Variants in CRPPA observed in about 807,000 individuals in gnomAD.
The protein encoded by CRPPA is CDP-L-ribitol pyrophosphorylase A.
In CRPPA, 43 loss-of-function variants were observed where a neutral mutation model predicts 52.0. That is an observed-to-expected ratio of 0.83 (90% CI 0.65 to 1.07). The LOEUF is 1.07. CRPPA is among the 50% of genes least tolerant of loss of function. CRPPA has a pLI of 0.00. For missense variants in CRPPA, 629 were observed against 551.7 expected, an observed-to-expected ratio of 1.14 and a Z score of -1.40; for synonymous variants, 250 against 203.5, an observed-to-expected ratio of 1.23 and a Z score of -1.94.
At chr7:16,355,078 AGTATCAAAAT>A (rs946632949) in intron 3 of CRPPA, among the ~76,000 whole-genome samples, 15 of 152,214 alleles carry the variant, frequency 9.9e-5, no homozygotes, top group African/African-American at 3.6e-4. Flanking sequence ...TTTATAAGCA[AGTATCAAAAT>A]GTATCAAAAT....
Position 16,365,968 on chromosome 7 carries a change from A to G in CRPPA, c.684+10124T>C, listed in dbSNP as rs537214891. ...ATATTGAAATGTTAGTAAGTGCTTT[A>G]CTCCACTTAGACTGCTAAAACAAAA... On this transcript the variant is annotated intron_variant, in intron 3 of 9. Transcript: ENST00000407010. 3.9e-5 allele frequency among the ~76,000 whole-genome samples: 6 copies of G among 152,302 alleles called. No homozygotes were observed. In the South Asian group the frequency reaches 1.2e-3, roughly 32 times the overall value.
At chr7:16,198,431 C>G (rs1015134740) in intron 9 of CRPPA, among the ~76,000 whole-genome samples, 4 of 106,114 alleles carry the variant, frequency 3.8e-5, no homozygotes, top group African/African-American at 1.6e-4. Context: ...CCTTTGTTCA[C>G]GTGTTTGTCT....
At chr7:16,397,714 G>C (rs1054013985) in intron 2 of CRPPA, among the ~76,000 whole-genome samples, 1 of 152,138 alleles carries the variant, frequency 6.6e-6, no homozygotes, top group Non-Finnish European at 1.5e-5. Context: ...ATTGACATGC[G>C]ACCAACGTTT....
At chr7:16,320,097 C>T (rs1452219290) in intron 3 of CRPPA, among the ~76,000 whole-genome samples, 1 of 152,080 alleles carries the variant, frequency 6.6e-6, no homozygotes, top group Non-Finnish European at 1.5e-5. Context: ...TCATTGTCAC[C>T]TCTCCTATTC....
intron 8 of CRPPA, among the ~76,000 whole-genome samples, chr7:16,217,435 G>A (rs1208734870): frequency 6.8e-6 from 1 of 147,856 alleles, no homozygotes; most frequent in African/African-American, 2.5e-5. Context: ...AACAAAGCTG[G>A]ATGGAGAATG....
chr7:16,418,594 G>A (rs374054064), intron 1 of CRPPA, among the ~76,000 whole-genome samples: 6 of 152,274 alleles, frequency 3.9e-5, no homozygotes, highest in South Asian at 2.1e-4. Flanking sequence ...CAAGGCAGCA[G>A]GAAGGAGAAT....
At chr7:16,335,548 C>T (rs966362945) in intron 3 of CRPPA, among the ~76,000 whole-genome samples, 6 of 152,074 alleles carry the variant, frequency 3.9e-5, no homozygotes, top group African/African-American at 1.4e-4. Context: ...AACAAAAGAA[C>T]AGTGAACTCA....
chr7:16,278,161 G>A lies in CRPPA; in HGVS notation c.901C>T (p.Leu301Phe), dbSNP rs1784247908. 6.3e-7 allele frequency: 1 copy of A among 1,576,046 alleles called. No homozygotes were observed. The highest frequency in any genetic ancestry group is 8.7e-7 in the Non-Finnish European group (1 of 1,151,854). ...TCACTTTTCAGCACTTCTTCAAGAA[G>A]ATGACCTACATGTTTGTTATCTTCT... ...TEEDNKHVGH[L>F]LEEVLKSELN... Residue 301 changes from leucine to phenylalanine, a missense_variant, in exon 6 of 10, where the codon CTT becomes TTT. Leu to Phe is a conservative substitution (Grantham distance 22, BLOSUM62 0). Transcript: ENST00000407010.
At chr7:16,125,079 G>A (rs1000419438) in intron 9 of CRPPA, among the ~76,000 whole-genome samples, 4 of 151,706 alleles carry the variant, frequency 2.6e-5, no homozygotes, top group South Asian at 2.1e-4. Flanking sequence ...GGCCAACATA[G>A]TGAACCCCCA....
intron 9 of CRPPA, among the ~76,000 whole-genome samples, chr7:16,206,079 A>G (rs917618207): frequency 3.3e-5 from 5 of 152,182 alleles, no homozygotes; most frequent in Admixed American, 6.5e-5. Context: ...TATAATGCAG[A>G]TAGGTGTATT....
chr7:16,295,843 T>C (rs1784661159), intron 5 of CRPPA, among the ~76,000 whole-genome samples: 1 of 152,114 alleles, frequency 6.6e-6, no homozygotes, highest in East Asian at 1.9e-4. Flanking sequence ...AAAACTACAA[T>C]ACCTCTTTGT....
chr7:16,328,450 T>C (rs1163725085), intron 3 of CRPPA, among the ~76,000 whole-genome samples: 6 of 151,118 alleles, frequency 4.0e-5, no homozygotes, highest in African/African-American at 1.5e-4. Flanking sequence ...AATAAATTAA[T>C]AAATGGTTGC....
At chr7:16,215,501 C>G (rs1010062076) in intron 9 of CRPPA, among the ~76,000 whole-genome samples, 1 of 152,184 alleles carries the variant, frequency 6.6e-6, no homozygotes, top group East Asian at 1.9e-4. Context: ...AAGACAGTGA[C>G]AATGAATGCA....
At chr7:16,283,501 A>C (rs1173050271) in intron 5 of CRPPA, among the ~76,000 whole-genome samples, 1 of 145,048 alleles carries the variant, frequency 6.9e-6, no homozygotes, top group East Asian at 2.0e-4. Flanking sequence ...ATCTATATAT[A>C]TAAAAATGAT....
chr7:16,340,463 C>T (rs1404928308), intron 3 of CRPPA, among the ~76,000 whole-genome samples: 1 of 151,760 alleles, frequency 6.6e-6, no homozygotes, highest in Admixed American at 6.6e-5. Flanking sequence ...AGAGGAAGTA[C>T]AAATGTTAAA....
chr7:16,272,607 A>G (rs1008400369), intron 6 of CRPPA, among the ~76,000 whole-genome samples: 4 of 152,200 alleles, frequency 2.6e-5, no homozygotes, highest in Non-Finnish European at 4.4e-5. Flanking sequence ...TTTGTAAGTT[A>G]TAAGCTGAAA....
intron 2 of CRPPA, among the ~76,000 whole-genome samples, chr7:16,400,127 A>C (rs564622475): frequency 3.9e-5 from 6 of 152,240 alleles, no homozygotes; most frequent in African/African-American, 1.4e-4. Context: ...CCAACACGTG[A>C]CCAACATGGT....
At chr7:16,312,103 A>G (rs916214326) in intron 3 of CRPPA, among the ~76,000 whole-genome samples, 10 of 152,140 alleles carry the variant, frequency 6.6e-5, no homozygotes, top group African/African-American at 2.4e-4. Flanking sequence ...TAGCTATTCT[A>G]GGTCTTGTGC....
intron 9 of CRPPA, among the ~76,000 whole-genome samples, chr7:16,093,220 G>C (rs905266210): frequency 6.6e-6 from 1 of 151,990 alleles, no homozygotes; most frequent in Non-Finnish European, 1.5e-5. Flanking sequence ...CCTAACACAT[G>C]GTAGCACTCC....
Sources: gnomAD v4.1 joint callset for allele counts (sites outside exome capture counted in the v4.1 genomes callset) on GRCh38, gnomAD v4.1.1 for gene constraint, MANE v1.5 for transcripts, NCBI Gene and HGNC (gene_info 2026-07-23, HGNC 2026-07-21) for gene names.